KREMEN1: variants seen among roughly 807,000 people sequenced by gnomAD.
KREMEN1 encodes the protein kringle containing transmembrane protein 1.
Under a neutral mutation model 46.5 loss-of-function variants are expected in KREMEN1, and 30 were observed. The observed-to-expected ratio is 0.65, with a 90% CI of 0.48 to 0.88. The LOEUF is 0.88. Among genes scored for constraint, KREMEN1 ranks in the 40% least tolerant of loss-of-function variants. The pLI is 0.00. For synonymous variants in KREMEN1, 214 were observed against 230.6 expected (o/e 0.93, Z 0.65); for missense variants, 533 against 596.9 (o/e 0.89, Z 1.11).
intron 1 of KREMEN1, among the ~76,000 whole-genome samples, chr22:29,082,535 C>G (rs1287522561): frequency 6.6e-6 from 1 of 152,142 alleles, no homozygotes; most frequent in Non-Finnish European, 1.5e-5. Flanking sequence ...ACTAATGCAC[C>G]CTGAATGTAT....
intron 3 of KREMEN1, among the ~76,000 whole-genome samples, chr22:29,115,449 A>C (rs2092104): frequency 2.0e-5 from 3 of 151,608 alleles, no homozygotes; most frequent in East Asian, 1.9e-4. Context: ...AAAAAAAAAA[A>C]CCAGAAGTAC....
intron 9 of KREMEN1, among the ~76,000 whole-genome samples, chr22:29,157,794 C>T (rs2038976511): frequency 1.3e-5 from 2 of 152,224 alleles, no homozygotes; most frequent in Non-Finnish European, 2.9e-5. Flanking sequence ...GGGAGAAGGG[C>T]ATTGTGTAGC....
rs562161296 is a variant in KREMEN1 at position 29,165,898 on chromosome 22, G to A, written c.1417-1146G>A. Among the ~76,000 whole-genome samples the A allele has an allele frequency of 2.0e-3, 312 of 152,314 alleles. 3 individuals are homozygous for A. The highest frequency in any genetic ancestry group is 7.0e-3 in the African/African-American group (290 of 41,554). ...GAGCTTAGGCCCTGGGAGGGCGCCC[G>A]TTAGCAGCGGGGAGAGGAAAGAGCT... On this transcript the variant is annotated intron_variant, in intron 9 of 9. Coordinates refer to the KREMEN1 transcript ENST00000327813.
At chr22:29,162,836 A>C (rs147101616) in intron 9 of KREMEN1, among the ~76,000 whole-genome samples, 173 of 152,386 alleles carry the variant, frequency 1.1e-3, no homozygotes, top group African/African-American at 4.0e-3. Flanking sequence ...TATTCACAAT[A>C]GCAAAGACAA....
intron 3 of KREMEN1, among the ~76,000 whole-genome samples, chr22:29,117,970 A>T (rs911329665): frequency 1.3e-5 from 2 of 152,206 alleles, no homozygotes; most frequent in African/African-American, 2.4e-5. Flanking sequence ...AATGTGGGGT[A>T]TGACTTCGCA....
chr22:29,131,071 G>A (rs933244), intron 5 of KREMEN1, among the ~76,000 whole-genome samples: 24,755 of 152,124 alleles, frequency 0.16, 2,190 homozygotes, highest in Non-Finnish European at 0.18. Context: ...TCAAATAATG[G>A]TAAAAATAGA....
chr22:29,082,501 T>A (rs746180274), intron 1 of KREMEN1, among the ~76,000 whole-genome samples: 1 of 152,210 alleles, frequency 6.6e-6, no homozygotes, highest in Non-Finnish European at 1.5e-5. Flanking sequence ...GAGGCTGGCC[T>A]AGGAGGAATA....
chr22:29,095,780 C>G (rs1241277490), intron 2 of KREMEN1, among the ~76,000 whole-genome samples: 2 of 151,994 alleles, frequency 1.3e-5, no homozygotes, highest in African/African-American at 4.8e-5. Flanking sequence ...TTTCTTTATC[C>G]CTATACCTTT....
intron 3 of KREMEN1, among the ~76,000 whole-genome samples, chr22:29,114,416 G>T (rs1601781431): frequency 6.6e-6 from 1 of 151,096 alleles, no homozygotes; most frequent in South Asian, 2.1e-4. Flanking sequence ...AACCCAGTGG[G>T]TGGAGGTTGC....
intron 1 of KREMEN1, among the ~76,000 whole-genome samples, chr22:29,080,812 G>A (rs1601748549): frequency 6.6e-6 from 1 of 152,286 alleles, no homozygotes; most frequent in African/African-American, 2.4e-5. Context: ...AGCCGGTAGA[G>A]GCCAGGGATG....
intron 5 of KREMEN1, among the ~76,000 whole-genome samples, chr22:29,129,757 G>A (rs1236784668): frequency 6.6e-6 from 1 of 152,180 alleles, no homozygotes; most frequent in African/African-American, 2.4e-5. Flanking sequence ...GAAGCTGTCT[G>A]CTCAGTCATC....
At position 29,136,533 on chromosome 22, in the gene KREMEN1, C is replaced by T. The variant is rs960092559; in HGVS notation, c.632-809C>T. 6.8e-4 allele frequency among the ~76,000 whole-genome samples: 103 copies of T among 151,354 alleles called. 1 individual carries two copies. The highest frequency in any genetic ancestry group is 2.4e-3 in the African/African-American group (99 of 41,172). On this transcript the variant is annotated intron_variant, in intron 5 of 8. Transcript: ENST00000400335. ...GAGGTTGCAGTGAGCCGAGATCACA[C>T]CACTGCACTCCAGCCTGGGAGACAG...
intron 3 of KREMEN1, among the ~76,000 whole-genome samples, chr22:29,117,645 C>A (rs1309401669): frequency 1.3e-5 from 2 of 151,926 alleles, no homozygotes; most frequent in Non-Finnish European, 2.9e-5. Context: ...CTCAGCTGAC[C>A]TAGAAGTGCT....
At chr22:29,159,637 CAAAA>C (rs771538437) in intron 9 of KREMEN1, among the ~76,000 whole-genome samples, 3 of 46,700 alleles carry the variant, frequency 6.4e-5, no homozygotes, top group African/African-American at 2.0e-4. Flanking sequence ...AAAACAAAAA[CAAAA>C]ATAAATAAAT....
chr22:29,094,300 A>G lies in KREMEN1; in HGVS notation c.140A>G (p.Asn47Ser), dbSNP rs1275521329. ...GGTGCGGATTATAGGGGAACACAGA[A>G]CTGGACAGCACTACAAGGCGGGAAG... ...ANGADYRGTQ[N>S]WTALQGGKPC... The change falls in exon 2 of 9, where the codon AAC becomes AGC. Residue 47 changes from asparagine (N) to serine (S), a missense_variant. Asn to Ser is a conservative substitution (Grantham distance 46). Transcript: ENST00000400335. The G allele has an allele frequency of 1.2e-6, 2 of 1,613,864 alleles. No homozygotes were observed. The highest frequency in any genetic ancestry group is 3.3e-5 in the Admixed American group (2 of 59,984).
chr22:29,158,084 G>A (rs979256927), intron 9 of KREMEN1, among the ~76,000 whole-genome samples: 9 of 152,202 alleles, frequency 5.9e-5, no homozygotes, highest in Admixed American at 2.0e-4. Flanking sequence ...TCAAAAACTC[G>A]TAGTCATGTC....
chr22:29,165,225 C>G (rs1484997877), intron 9 of KREMEN1, among the ~76,000 whole-genome samples: 2 of 151,884 alleles, frequency 1.3e-5, no homozygotes, highest in Non-Finnish European at 1.5e-5. Flanking sequence ...GCCAGGGCAA[C>G]AGAGCAAGAC....
intron 5 of KREMEN1, among the ~76,000 whole-genome samples, chr22:29,135,684 C>G (rs1475967014): frequency 6.6e-6 from 1 of 152,142 alleles, no homozygotes; most frequent in Non-Finnish European, 1.5e-5. Context: ...CCCAGTTGCC[C>G]TAAGCTGAGA....
chr22:29,111,877 G>A (rs2038158864), intron 3 of KREMEN1, among the ~76,000 whole-genome samples: 1 of 152,192 alleles, frequency 6.6e-6, no homozygotes, highest in Non-Finnish European at 1.5e-5. Context: ...TTCAAACTGA[G>A]CCTTTACTAT....
Sources: allele counts gnomAD v4.1 joint callset (sites outside exome capture counted in the v4.1 genomes callset), GRCh38; gene constraint gnomAD v4.1.1; transcripts MANE v1.5; gene names NCBI Gene and HGNC (gene_info 2026-07-23, HGNC 2026-07-21).